SMYD3: variants seen among roughly 807,000 people sequenced by gnomAD.
The protein encoded by SMYD3 is histone-lysine N-methyltransferase SMYD3.
In SMYD3, 36 loss-of-function variants were observed where a neutral mutation model predicts 57.7. That is an observed-to-expected ratio of 0.62 (90% CI 0.48 to 0.82). The LOEUF is 0.82. Ranked by LOEUF, SMYD3 falls within the 40% of genes least tolerant of loss-of-function variation. The pLI is 0.00. For missense variants in SMYD3, 515 were observed against 538.8 expected, an observed-to-expected ratio of 0.96 and a Z score of 0.44; for synonymous variants, 211 against 195.0, an observed-to-expected ratio of 1.08 and a Z score of -0.68.
At chr1:246,212,926 A>G (rs1383570954) in intron 5 of SMYD3, among the ~76,000 whole-genome samples, 1 of 152,138 alleles carries the variant, frequency 6.6e-6, no homozygotes, top group Non-Finnish European at 1.5e-5. Context: ...CTCTCCCTTC[A>G]GTGTCCTTCC....
chr1:246,395,052 A>G (rs531041476), intron 1 of SMYD3, among the ~76,000 whole-genome samples: 45 of 152,322 alleles, frequency 3.0e-4, no homozygotes, highest in Admixed American at 1.0e-3. Context: ...GCTACACTTT[A>G]TGATATAAGA....
chr1:245,973,123 G>A (rs1425668167), intron 5 of SMYD3, among the ~76,000 whole-genome samples: 1 of 152,180 alleles, frequency 6.6e-6, no homozygotes, highest in Non-Finnish European at 1.5e-5. Flanking sequence ...CTTAGCTACA[G>A]AAAGGAAAGT....
chr1:245,823,993 G>A (rs1240709448), intron 10 of SMYD3, among the ~76,000 whole-genome samples: 5 of 152,178 alleles, frequency 3.3e-5, no homozygotes, highest in African/African-American at 1.2e-4. Context: ...GTCAGCTCTG[G>A]ACTCTTAAGG....
chr1:245,913,405 T>C (rs1334811504), intron 8 of SMYD3, among the ~76,000 whole-genome samples: 1 of 151,504 alleles, frequency 6.6e-6, no homozygotes, highest in Non-Finnish European at 1.5e-5. Context: ...GAGATATACC[T>C]AATGTAAATG....
chr1:246,026,912 G>A (rs2059584361), intron 5 of SMYD3, among the ~76,000 whole-genome samples: 1 of 152,200 alleles, frequency 6.6e-6, no homozygotes, highest in African/African-American at 2.4e-5. Context: ...AGACACATGT[G>A]TTGCACAAAA....
intron 5 of SMYD3, among the ~76,000 whole-genome samples, chr1:246,180,319 T>TTA (rs201212917): frequency 0.025 from 3,171 of 127,200 alleles, 184 homozygotes; most frequent in East Asian, 0.2. Flanking sequence ...TATAAACTAC[T>TTA]TATATATATA....
chr1:246,239,535 C>A (rs559724031), intron 5 of SMYD3, among the ~76,000 whole-genome samples: 21 of 152,292 alleles, frequency 1.4e-4, no homozygotes, highest in Admixed American at 1.0e-3. Context: ...ATTGTGAATA[C>A]TGCCGCAATA....
At chr1:246,312,272 T>C (rs1369682108) in intron 5 of SMYD3, among the ~76,000 whole-genome samples, 1 of 152,148 alleles carries the variant, frequency 6.6e-6, no homozygotes, top group Non-Finnish European at 1.5e-5. Flanking sequence ...AGAGATTAAA[T>C]GATCAAATCT....
intron 10 of SMYD3, among the ~76,000 whole-genome samples, chr1:245,816,277 C>A (rs973536917): frequency 6.6e-6 from 1 of 151,998 alleles, no homozygotes; most frequent in Non-Finnish European, 1.5e-5. Flanking sequence ...GCAAACTCCC[C>A]ACAGAGAGTA....
intron 10 of SMYD3, among the ~76,000 whole-genome samples, chr1:245,775,318 G>A (rs1361189336): frequency 2.0e-5 from 3 of 152,206 alleles, no homozygotes; most frequent in African/African-American, 4.8e-5. Flanking sequence ...GATTGTTGCT[G>A]TGTCTGTGTA....
chr1:245,817,208 G>GCAGA (rs1314701680), intron 10 of SMYD3, among the ~76,000 whole-genome samples: 4 of 146,996 alleles, frequency 2.7e-5, no homozygotes, highest in African/African-American at 7.6e-5. Flanking sequence ...CTGAGAACGG[G>GCAGA]CAGACTGCCT....
intron 5 of SMYD3, among the ~76,000 whole-genome samples, chr1:245,939,805 A>G (rs935193057): frequency 1.3e-5 from 2 of 152,056 alleles, no homozygotes; most frequent in African/African-American, 4.8e-5. Flanking sequence ...GAACAGTCCC[A>G]CTGCTTAGAA....
At chr1:246,199,135 C>T (rs1200159476) in intron 5 of SMYD3, among the ~76,000 whole-genome samples, 3 of 152,000 alleles carry the variant, frequency 2.0e-5, no homozygotes, top group Non-Finnish European at 4.4e-5. Context: ...TCTTCCCCCT[C>T]TAGTAGTCCC....
intron 8 of SMYD3, among the ~76,000 whole-genome samples, chr1:245,876,714 C>T (rs2052506383): frequency 6.6e-6 from 1 of 152,212 alleles, no homozygotes; most frequent in Non-Finnish European, 1.5e-5. Context: ...ACTCCAGGGC[C>T]AGGTACTGGA....
chr1:246,329,517 C>T (rs562543671), intron 4 of SMYD3, among the ~76,000 whole-genome samples: 3,626 of 152,032 alleles, frequency 0.024, 138 homozygotes, highest in African/African-American at 0.081. Flanking sequence ...TCATGTCCTT[C>T]GCCCACTTTT....
chr1:245,955,021 C>T (rs1162504640), intron 5 of SMYD3, among the ~76,000 whole-genome samples: 2 of 152,182 alleles, frequency 1.3e-5, no homozygotes, highest in African/African-American at 4.8e-5. Flanking sequence ...TCCTGTGTTT[C>T]CCTGCACCCA....
At chr1:246,265,531 G>A (rs1217023294) in intron 5 of SMYD3, among the ~76,000 whole-genome samples, 1 of 152,158 alleles carries the variant, frequency 6.6e-6, no homozygotes, top group Non-Finnish European at 1.5e-5. Context: ...ACAAGAGGCT[G>A]ACTCCAGAAA....
chr1:246,030,940 T>C (rs12748953), intron 5 of SMYD3, among the ~76,000 whole-genome samples: 5,224 of 152,206 alleles, frequency 0.034, 146 homozygotes, highest in Non-Finnish European at 0.046. Flanking sequence ...AGGCAAGGCA[T>C]GTGGACGTGT....
intron 5 of SMYD3, among the ~76,000 whole-genome samples, chr1:246,077,364 G>A (rs920579785): frequency 2.0e-5 from 3 of 152,150 alleles, no homozygotes; most frequent in Non-Finnish European, 4.4e-5. Context: ...ACCTCAGGCA[G>A]ACTGCAGTTG....
Sources: gnomAD v4.1 joint callset for allele counts (sites outside exome capture counted in the v4.1 genomes callset) on GRCh38, gnomAD v4.1.1 for gene constraint, MANE v1.5 for transcripts, NCBI Gene and HGNC (gene_info 2026-07-23, HGNC 2026-07-21) for gene names.